The following DIS3L2 variants were observed in gnomAD, a reference collection of about 807,000 sequenced individuals.
The protein encoded by DIS3L2 is DIS3-like exonuclease 2.
DIS3L2 carries 34 observed loss-of-function variants against 97.5 expected under a neutral mutation model. The observed-to-expected ratio is 0.35, with a 90% CI of 0.27 to 0.46. DIS3L2 has a LOEUF of 0.46. Ranked by LOEUF, DIS3L2 falls within the 20% of genes least tolerant of loss-of-function variation. The pLI, the probability that DIS3L2 is intolerant of heterozygous loss-of-function variation, is 1.00. For synonymous variants in DIS3L2, 435 were observed against 445.2 expected (o/e 0.98, Z 0.29); for missense variants, 1,038 against 1,146.0 (o/e 0.91, Z 1.36).
Position 232,120,613 on chromosome 2 carries a change from G to A in DIS3L2, c.602-10006G>A, listed in dbSNP as rs112074407. Among the ~76,000 whole-genome samples the A allele has an allele frequency of 2.4e-4, 36 of 152,250 alleles. 2 individuals are homozygous for A. The highest frequency in any genetic ancestry group is 7.0e-4 in the African/African-American group (29 of 41,544). ...AGGCCGTTGTTTTGGGATGTCATTC[G>A]CTTTCAGGCCTCCCCTGGCATTGTG... On this transcript the variant is annotated intron_variant, in intron 6 of 20. Coordinates refer to ENST00000325385, the MANE Select transcript of DIS3L2 (RefSeq NM_152383.5).
chr2:232,222,512 C>T (rs560755455), intron 10 of DIS3L2, among the ~76,000 whole-genome samples: 2 of 152,150 alleles, frequency 1.3e-5, no homozygotes, highest in East Asian at 3.9e-4. Flanking sequence ...GCTCTGTCGC[C>T]CAGGCTGGAG....
chr2:232,339,801 G>A, downstream of DIS3L2: 2 of 445,032 alleles, frequency 4.5e-6, no homozygotes, highest in South Asian at 1.6e-5. Flanking sequence ...GCTGTGACCT[G>A]CCCGGCATAG....
intron 1 of DIS3L2, among the ~76,000 whole-genome samples, chr2:232,011,115 C>G (rs1208871230): frequency 2.6e-5 from 4 of 152,160 alleles, no homozygotes; most frequent in Non-Finnish European, 5.9e-5. Context: ...CCTGTTCATC[C>G]TAATGTCAGC....
chr2:232,273,256 G>GCTTC (rs1250360594), intron 13 of DIS3L2, among the ~76,000 whole-genome samples: 7 of 151,986 alleles, frequency 4.6e-5, no homozygotes, highest in African/African-American at 1.7e-4. Context: ...TTTTCCTTTT[G>GCTTC]CTTCCCTGTC....
chr2:232,116,325 G>T lies in DIS3L2; in HGVS notation c.602-14294G>T, dbSNP rs144650602. On this transcript the variant is annotated intron_variant, in intron 6 of 20. Coordinates refer to ENST00000325385, the MANE Select transcript of DIS3L2 (RefSeq NM_152383.5). ...TCTTCCCTTTTCATCCCTTTGGTCA[G>T]CATATGCTGGGTTTATTCAGTTGAG... Among the ~76,000 whole-genome samples, 531 of 152,282 alleles carry T rather than the reference G, an allele frequency of 3.5e-3. 3 individuals are homozygous for T. Among genetic ancestry groups the T allele is most frequent in the African/African-American group, 0.012 (486 of 41,552 alleles).
intron 10 of DIS3L2, among the ~76,000 whole-genome samples, chr2:232,217,121 G>A (rs1692361899): frequency 6.6e-6 from 1 of 152,180 alleles, no homozygotes; most frequent in African/African-American, 2.4e-5. Context: ...GATTAAAGGT[G>A]TGAGCCACCG....
chr2:232,119,250 C>T (rs1697820327), intron 6 of DIS3L2, among the ~76,000 whole-genome samples: 1 of 152,204 alleles, frequency 6.6e-6, no homozygotes, highest in Non-Finnish European at 1.5e-5. Context: ...CTAGTCTCTA[C>T]TTAACTCGCT....
At chr2:231,984,694 A>G (rs1693362663) in intron 1 of DIS3L2, among the ~76,000 whole-genome samples, 2 of 152,016 alleles carry the variant, frequency 1.3e-5, no homozygotes, top group Non-Finnish European at 2.9e-5. Flanking sequence ...CGCCCAGCCA[A>G]CTGCAACTTC....
intron 14 of DIS3L2, among the ~76,000 whole-genome samples, chr2:232,315,538 C>G (rs573583674): frequency 5.2e-4 from 79 of 151,910 alleles, no homozygotes; most frequent in Non-Finnish European, 9.1e-4. Context: ...TTCACTGCCA[C>G]TCCCAGCTCT....
chr2:232,211,870 C>T (rs754763648), intron 10 of DIS3L2, among the ~76,000 whole-genome samples: 2 of 151,850 alleles, frequency 1.3e-5, no homozygotes, highest in Non-Finnish European at 2.9e-5. Context: ...ATTAATTAAT[C>T]GATTTTTAGA....
chr2:232,270,860 GTC>G (rs71056262), intron 13 of DIS3L2, among the ~76,000 whole-genome samples: 2,421 of 103,722 alleles, frequency 0.023, 64 homozygotes, highest in East Asian at 0.035. Flanking sequence ...TCTTTTTCTC[GTC>G]TCTCTCTCTC....
intron 1 of DIS3L2, among the ~76,000 whole-genome samples, chr2:231,991,055 G>A (rs535325942): frequency 6.6e-6 from 1 of 151,898 alleles, no homozygotes; most frequent in African/African-American, 2.4e-5. Context: ...ATAGGCATGA[G>A]CCATTGTGCC....
chr2:232,147,605 T>G (rs1690254357), intron 8 of DIS3L2, among the ~76,000 whole-genome samples: 2 of 152,160 alleles, frequency 1.3e-5, no homozygotes, highest in Non-Finnish European at 2.9e-5. Context: ...CACCAGATAT[T>G]TTGACATAAC....
At chr2:232,254,507 T>C (rs1185227200) in intron 12 of DIS3L2, among the ~76,000 whole-genome samples, 1 of 152,230 alleles carries the variant, frequency 6.6e-6, no homozygotes, top group African/African-American at 2.4e-5. Flanking sequence ...TGAAAACGTG[T>C]AGCTTTTATG....
chr2:232,321,987 T>C (rs1368346013), intron 14 of DIS3L2, among the ~76,000 whole-genome samples: 2 of 152,080 alleles, frequency 1.3e-5, no homozygotes, highest in Admixed American at 1.3e-4. Context: ...AAAGCCAGGT[T>C]CAGATGGGTG....
At chr2:232,272,273 C>T (rs1341404285) in intron 13 of DIS3L2, among the ~76,000 whole-genome samples, 1 of 152,194 alleles carries the variant, frequency 6.6e-6, no homozygotes, top group Admixed American at 6.5e-5. Flanking sequence ...AAATACTGCT[C>T]ACAGTTCTGT....
intron 6 of DIS3L2, among the ~76,000 whole-genome samples, chr2:232,089,723 C>G (rs1038851360): frequency 2.0e-5 from 3 of 152,320 alleles, no homozygotes; most frequent in Middle Eastern, 3.4e-3. Flanking sequence ...CTCTTTTCCT[C>G]TGGGCTCCAA....
chr2:232,128,005 C>T (rs946110227), intron 6 of DIS3L2, among the ~76,000 whole-genome samples: 4 of 152,078 alleles, frequency 2.6e-5, no homozygotes, highest in East Asian at 1.9e-4. Context: ...GGCTGGAGTG[C>T]GGTGGCACGA....
intron 1 of DIS3L2, among the ~76,000 whole-genome samples, chr2:232,005,329 T>A (rs1160110214): frequency 6.6e-6 from 1 of 152,136 alleles, no homozygotes; most frequent in Non-Finnish European, 1.5e-5. Context: ...TTGCGTTGAG[T>A]CTGTCCTACA....
Sources: allele counts gnomAD v4.1 joint callset (sites outside exome capture counted in the v4.1 genomes callset), GRCh38; gene constraint gnomAD v4.1.1; transcripts MANE v1.5; gene names NCBI Gene and HGNC (gene_info 2026-07-23, HGNC 2026-07-21).